The following CDH4 variants were observed in gnomAD, a reference collection of about 807,000 sequenced individuals.
CDH4 encodes the protein cadherin-4.
A neutral mutation model predicts 86.0 loss-of-function variants in CDH4; 33 were observed. The observed-to-expected ratio is 0.38, with a 90% confidence interval of 0.29 to 0.51. The LOEUF is 0.51. Among genes scored for constraint, CDH4 ranks in the 20% least tolerant of loss-of-function variants. CDH4 has a pLI of 0.86. For synonymous variants in CDH4, 555 were observed against 549.4 expected (o/e 1.01, Z -0.14); for missense variants, 1,114 against 1,307.4 (o/e 0.85, Z 2.28).
chr20:61,536,572 C>T (rs1394980995), intron 2 of CDH4, among the ~76,000 whole-genome samples: 1 of 152,084 alleles, frequency 6.6e-6, no homozygotes, highest in Non-Finnish European at 1.5e-5. Context: ...ACCCCCATTG[C>T]GAGGCCACAC....
At chr20:61,595,338 C>T (rs573006869) in intron 2 of CDH4, among the ~76,000 whole-genome samples, 2 of 152,364 alleles carry the variant, frequency 1.3e-5, no homozygotes, top group South Asian at 2.1e-4. Context: ...ACAGCAGAGA[C>T]GTGGCTGCTG....
At chr20:61,673,321 G>A (rs866475129) in intron 2 of CDH4, among the ~76,000 whole-genome samples, 1 of 152,202 alleles carries the variant, frequency 6.6e-6, no homozygotes, top group South Asian at 2.1e-4. Flanking sequence ...AGTCCATCCT[G>A]GAAGGAATCC....
At chr20:61,679,854 CA>C (rs978416956) in intron 2 of CDH4, among the ~76,000 whole-genome samples, 1 of 152,222 alleles carries the variant, frequency 6.6e-6, no homozygotes, top group African/African-American at 2.4e-5. Context: ...CTTTAGCTCT[CA>C]GGGCCCCCAT....
intron 2 of CDH4, chr20:61,369,908 C>T (rs1332491316): frequency 6.6e-6 from 1 of 152,418 alleles, no homozygotes; most frequent in East Asian, 1.9e-4. Context: ...GAGGACTTTC[C>T]AGAGTCCTGG....
At chr20:61,581,076 G>A (rs889495433) in intron 2 of CDH4, among the ~76,000 whole-genome samples, 1 of 152,232 alleles carries the variant, frequency 6.6e-6, no homozygotes, top group African/African-American at 2.4e-5. Flanking sequence ...TCTGTGTGCT[G>A]TAGGCAGGGG....
intron 2 of CDH4, among the ~76,000 whole-genome samples, chr20:61,459,140 A>G (rs1027300521): frequency 2.0e-5 from 3 of 151,902 alleles, no homozygotes; most frequent in Non-Finnish European, 4.4e-5. Flanking sequence ...CTCTGCCTTC[A>G]TGGGCTGGTG....
intron 3 of CDH4, among the ~76,000 whole-genome samples, chr20:61,765,798 ACT>A (rs1055009518): frequency 6.6e-6 from 1 of 152,026 alleles, no homozygotes; most frequent in Admixed American, 6.5e-5. Flanking sequence ...GGGCAAGGGG[ACT>A]GGCAGGGCTC....
chr20:61,337,954 A>G (rs6028126), intron 2 of CDH4, among the ~76,000 whole-genome samples: 87,122 of 151,816 alleles, frequency 0.57, 25,053 homozygotes, highest in Middle Eastern at 0.69. Flanking sequence ...GTTATTTCAC[A>G]ATAGCATTTA....
chr20:61,679,721 G>A (rs1353635565), intron 2 of CDH4, among the ~76,000 whole-genome samples: 1 of 152,236 alleles, frequency 6.6e-6, no homozygotes, highest in Non-Finnish European at 1.5e-5. Flanking sequence ...CCAGGAGGGA[G>A]CCTGTGGCCC....
At chr20:61,290,598 G>T (rs1293098972) in intron 2 of CDH4, among the ~76,000 whole-genome samples, 1 of 152,226 alleles carries the variant, frequency 6.6e-6, no homozygotes, top group Non-Finnish European at 1.5e-5. Flanking sequence ...ACCTGCCCTG[G>T]TCCTTGCAGA....
intron 2 of CDH4, among the ~76,000 whole-genome samples, chr20:61,573,030 T>TTGGATGGTTGGA (rs1555810028): frequency 0.012 from 1,669 of 140,414 alleles, 39 homozygotes; most frequent in African/African-American, 0.045. Flanking sequence ...GGATGGATGG[T>TTGGATGGTTGGA]TGGATGGATG....
At chr20:61,686,655 G>T (rs1157614167) in intron 2 of CDH4, among the ~76,000 whole-genome samples, 1 of 151,346 alleles carries the variant, frequency 6.6e-6, no homozygotes, top group Non-Finnish European at 1.5e-5. Context: ...TCGCGTGTGT[G>T]CATTCGCGTG....
At chr20:61,444,124 ATG>A (rs1166852167) in intron 2 of CDH4, among the ~76,000 whole-genome samples, 2 of 141,310 alleles carry the variant, frequency 1.4e-5, no homozygotes, top group African/African-American at 2.7e-5. Context: ...GTATCTCTAT[ATG>A]TGTCTCTGTA....
intron 2 of CDH4, among the ~76,000 whole-genome samples, chr20:61,700,712 G>C (rs192761162): frequency 6.6e-6 from 1 of 151,950 alleles, no homozygotes; most frequent in Non-Finnish European, 1.5e-5. Flanking sequence ...CACCCTATAC[G>C]GCCTCACTGT....
rs368931486 is a variant in CDH4 at position 61,684,689 on chromosome 20, C to T, written c.170-58874C>T. 4.6e-5 allele frequency among the ~76,000 whole-genome samples: 7 copies of T among 152,090 alleles called. No individual in the cohort carries two copies. The highest frequency in any genetic ancestry group is 1.4e-4 in the African/African-American group (6 of 41,382). On this transcript the variant is annotated intron_variant, in intron 2 of 15. Coordinates refer to ENST00000614565, the MANE Select transcript of CDH4 (RefSeq NM_001794.5). The surrounding 1 kb of genome is among the most constrained non-coding windows in gnomAD (Gnocchi z 4.5). ...CTCAAAGTCTTACAAACCATCTTAG[C>T]GTTTTTGTGCAAACAGCTCCCAATC...
chr20:61,781,689 G>T (rs956295361), intron 4 of CDH4, among the ~76,000 whole-genome samples: 1 of 152,072 alleles, frequency 6.6e-6, no homozygotes, highest in Non-Finnish European at 1.5e-5. Context: ...GAGATGATCA[G>T]AAAAAAATCC....
chr20:61,827,023 A>G (rs903493854), intron 4 of CDH4, among the ~76,000 whole-genome samples: 2 of 150,706 alleles, frequency 1.3e-5, no homozygotes, highest in African/African-American at 4.9e-5. Flanking sequence ...GTGTTTCCTT[A>G]TTGTAAAAAA....
intron 2 of CDH4, among the ~76,000 whole-genome samples, chr20:61,653,687 C>T (rs1168493713): frequency 1.9e-5 from 2 of 107,096 alleles, no homozygotes; most frequent in East Asian, 2.5e-4. Context: ...CGGGCAGAGA[C>T]GCTCCTCACC....
At chr20:61,500,694 G>T (rs1221478565) in intron 2 of CDH4, among the ~76,000 whole-genome samples, 7 of 152,240 alleles carry the variant, frequency 4.6e-5, no homozygotes, top group Non-Finnish European at 1.0e-4. Context: ...ATGGGAAGAG[G>T]AACTGTCTCT....
Sources: gnomAD v4.1 joint callset for allele counts (sites outside exome capture counted in the v4.1 genomes callset) on GRCh38, gnomAD v4.1.1 for gene constraint, Gnocchi (gnomAD v3.1) non-coding constraint, MANE v1.5 for transcripts, NCBI Gene and HGNC (gene_info 2026-07-23, HGNC 2026-07-21) for gene names.